ITGB6: variants seen among roughly 807,000 people sequenced by gnomAD.
The protein encoded by ITGB6 is integrin beta-6.
ITGB6 carries 80 observed loss-of-function variants against 84.5 expected under a neutral mutation model. That is an observed-to-expected ratio of 0.95 (90% confidence interval 0.79 to 1.14). The LOEUF (loss-of-function observed/expected upper bound fraction) is 1.14, where lower values mean the gene tolerates loss of function less well. Ranked by LOEUF, ITGB6 falls within the 50% of genes most tolerant of loss-of-function variation. ITGB6 has a pLI of 0.00. For missense variants in ITGB6, 1,006 were observed against 968.0 expected (o/e 1.04, Z -0.52); for synonymous variants, 383 against 354.9 (o/e 1.08, Z -0.89).
chr2:160,143,249 C>T (rs1267219573), intron 7 of ITGB6, among the ~76,000 whole-genome samples: 1 of 152,094 alleles, frequency 6.6e-6, no homozygotes, highest in African/African-American at 2.4e-5. Context: ...GTTGCCACTG[C>T]ACTCCAGCCT....
At chr2:160,163,138 C>T (rs1209503771) in intron 7 of ITGB6, among the ~76,000 whole-genome samples, 1 of 152,100 alleles carries the variant, frequency 6.6e-6, no homozygotes, top group African/African-American at 2.4e-5. Context: ...AAACAACCCA[C>T]GGGGCAGAAT....
intron 7 of ITGB6, among the ~76,000 whole-genome samples, chr2:160,158,673 G>A (rs1220805227): frequency 6.6e-6 from 1 of 152,180 alleles, no homozygotes; most frequent in Non-Finnish European, 1.5e-5. Flanking sequence ...ATGACTAGTA[G>A]GAAGAAAATG....
intron 4 of ITGB6, among the ~76,000 whole-genome samples, chr2:160,183,767 G>T (rs1180824462): frequency 6.6e-6 from 1 of 152,160 alleles, no homozygotes; most frequent in Middle Eastern, 3.2e-3. Context: ...AAACGCAAAA[G>T]AATGGAAATC....
At chr2:160,108,996 TG>T (rs1297445468) in intron 13 of ITGB6, among the ~76,000 whole-genome samples, 1 of 152,200 alleles carries the variant, frequency 6.6e-6, no homozygotes, top group African/African-American at 2.4e-5. Flanking sequence ...CTGCAAGAAA[TG>T]AGGCAAAATC....
chr2:160,152,221 C>T (rs1019304745), intron 7 of ITGB6, among the ~76,000 whole-genome samples: 7 of 152,190 alleles, frequency 4.6e-5, no homozygotes, highest in African/African-American at 1.7e-4. Context: ...AAACCAAATC[C>T]AGCAGCACAT....
chr2:160,175,058 A>C (rs928404695), intron 4 of ITGB6, among the ~76,000 whole-genome samples: 1 of 152,250 alleles, frequency 6.6e-6, no homozygotes, highest in East Asian at 1.9e-4. Context: ...TCACTGGTGT[A>C]GAAGCGCAAA....
intron 3 of ITGB6, 47 bp downstream of exon 3, chr2:160,196,169 C>T (rs1036107822): frequency 1.2e-5 from 17 of 1,458,202 alleles, no homozygotes; most frequent in Non-Finnish European, 1.6e-5. Flanking sequence ...AGCAGAATTA[C>T]CATATATGAC....
intron 7 of ITGB6, among the ~76,000 whole-genome samples, chr2:160,150,788 A>AG (rs1286344483): frequency 1.3e-5 from 2 of 152,182 alleles, no homozygotes; most frequent in Non-Finnish European, 2.9e-5. Flanking sequence ...AAGCAAAAAA[A>AG]AGCAGGGGTT....
intron 7 of ITGB6, among the ~76,000 whole-genome samples, chr2:160,166,367 A>G (rs1382279553): frequency 6.6e-6 from 1 of 152,186 alleles, no homozygotes; most frequent in Non-Finnish European, 1.5e-5. Context: ...TTCAAGCCAG[A>G]TGTAGATATT....
rs1402776162 is a variant in ITGB6 at position 160,137,444 on chromosome 2, C to T, written c.1650G>A (p.Leu550=). 6.2e-6 allele frequency: 10 copies of T among 1,608,810 alleles called. No individual in the cohort carries two copies. Among genetic ancestry groups the T allele is most frequent in the Non-Finnish European group, 8.5e-6 (10 of 1,176,238 alleles). Residue 550 remains leucine, a synonymous_variant, in exon 10 of 15, where the codon CTG becomes CTA. Transcript: ENST00000283249. ...DNFSCVRHKG[L]LCGGNGDCDC... is the part of the protein sequence containing the mutation. ...TTCAACATAGCCTACCTCCGCAGAGCAGCCCTTTGTGTCTCACGCAGGAGA... is the reference window on the plus strand; with the variant it reads ...TTCAACATAGCCTACCTCCGCAGAGTAGCCCTTTGTGTCTCACGCAGGAGA...
intron 4 of ITGB6, among the ~76,000 whole-genome samples, chr2:160,175,461 C>G (rs1685382209): frequency 6.6e-6 from 1 of 152,210 alleles, no homozygotes; most frequent in African/African-American, 2.4e-5. Context: ...GAATCAAACA[C>G]GGTGGTGCTC....
intron 10 of ITGB6, among the ~76,000 whole-genome samples, chr2:160,129,374 G>A (rs193283127): frequency 7.7e-5 from 10 of 130,046 alleles, no homozygotes; most frequent in Admixed American, 4.4e-4. Flanking sequence ...GCAAACTCTC[G>A]TAACTGATAC....
At chr2:160,105,893 C>A (rs1172875521) in intron 14 of ITGB6, among the ~76,000 whole-genome samples, 1 of 152,190 alleles carries the variant, frequency 6.6e-6, no homozygotes, top group African/African-American at 2.4e-5. Flanking sequence ...TAAATTATAT[C>A]TTCTCCTGAG....
At chr2:160,199,540 C>T (rs964521477) in intron 1 of ITGB6, among the ~76,000 whole-genome samples, 17 of 152,054 alleles carry the variant, frequency 1.1e-4, no homozygotes, top group Non-Finnish European at 2.1e-4. Context: ...TAGGATTATC[C>T]TATTTATTAT....
At chr2:160,118,438 G>C (rs1024098018) in intron 12 of ITGB6, among the ~76,000 whole-genome samples, 3 of 152,178 alleles carry the variant, frequency 2.0e-5, no homozygotes, top group African/African-American at 7.2e-5. Flanking sequence ...AATAGATGCA[G>C]AAAAGGCCTT....
chr2:160,186,411 A>G (rs1685900094), intron 4 of ITGB6, among the ~76,000 whole-genome samples: 1 of 152,206 alleles, frequency 6.6e-6, no homozygotes, highest in East Asian at 1.9e-4. Flanking sequence ...CAAAACCACA[A>G]TGAGATACCA....
chr2:160,101,626 T>C lies in ITGB6; in HGVS notation c.*110A>G, dbSNP rs1217884099. On this transcript the variant is annotated 3_prime_UTR_variant, in exon 15 of 15. Transcript: ENST00000283249. The stretch of plus-strand genomic sequence containing the variant: ...GAGGATGACTTATCTGCAGATGTCC[T>C]ATTATTATCTTAAACCAACCTCATT... 2.9e-6 allele frequency: 2 copies of C among 699,764 alleles called. No homozygotes were observed. Among genetic ancestry groups the C allele is most frequent in the Admixed American group, 4.8e-5 (2 of 41,858 alleles). The allele number at this position is 699,764 out of a possible 1,614,324, so 43.3% of individuals were successfully genotyped here. A position where few individuals can be genotyped will look rare whatever the true frequency, so the allele number is the denominator to read the frequency against.
intron 7 of ITGB6, among the ~76,000 whole-genome samples, chr2:160,159,026 G>A (rs1344614372): frequency 6.6e-6 from 1 of 151,756 alleles, no homozygotes; most frequent in Non-Finnish European, 1.5e-5. Context: ...TTGAAGCCAG[G>A]AGGCAGAGAT....
chr2:160,194,289 T>G (rs1454507396), intron 4 of ITGB6, among the ~76,000 whole-genome samples: 3 of 152,208 alleles, frequency 2.0e-5, no homozygotes, highest in Admixed American at 6.5e-5. Context: ...AAATTATTTT[T>G]TATTATGTTA....
Sources: gnomAD v4.1 joint callset for allele counts (sites outside exome capture counted in the v4.1 genomes callset) on GRCh38, gnomAD v4.1.1 for gene constraint, MANE v1.5 for transcripts, NCBI Gene and HGNC (gene_info 2026-07-23, HGNC 2026-07-21) for gene names.